Variants in EED observed in about 807,000 individuals in gnomAD.
EED encodes the protein embryonic ectoderm development.
EED carries 9 observed loss-of-function variants against 61.0 expected under a neutral mutation model. The ratio of observed to expected loss-of-function variants is 0.15; its 90% CI spans 0.09 to 0.26. EED has a LOEUF of 0.26. EED is among the 10% of genes least tolerant of loss of function. The pLI is 1.00. For missense variants in EED, 315 were observed against 542.3 expected (o/e 0.58, Z 4.16); for synonymous variants, 187 against 174.4 (o/e 1.07, Z -0.57).
At chr11:86,250,271 ATT>A in intron 1 of EED, 23 bp from the exon 2 acceptor site, 7 of 1,470,460 alleles carry the variant, frequency 4.8e-6, no homozygotes, top group Non-Finnish European at 6.3e-6. Flanking sequence ...GTTTCATGTA[ATT>A]TTTCCTCATT....
chr11:86,277,196 C>T, intron 10 of EED, 58 bp downstream of exon 10: 1 of 1,446,794 alleles, frequency 6.9e-7, no homozygotes, highest in Non-Finnish European at 9.4e-7. Flanking sequence ...CATTGTAATT[C>T]TAGCTTTTTC....
At chr11:86,266,002 C>A in intron 7 of EED, 81 bp from the exon 8 acceptor site, 1 of 1,218,888 alleles carries the variant, frequency 8.2e-7, no homozygotes, top group Non-Finnish European at 1.1e-6. Context: ...ACAGTTTTCA[C>A]TATGTTGCAC....
chr11:86,254,842 T>G (rs1002431552), intron 3 of EED, among the ~76,000 whole-genome samples: 3 of 152,176 alleles, frequency 2.0e-5, no homozygotes, highest in Non-Finnish European at 4.4e-5. Flanking sequence ...AGGATGGTCT[T>G]GATCTCTTGA....
intron 7 of EED, chr11:86,264,939 A>T (rs781600861): frequency 6.6e-6 from 1 of 152,252 alleles, no homozygotes; most frequent in Non-Finnish European, 1.5e-5. Flanking sequence ...CATATTTTAC[A>T]GCATGTAACA....
Position 86,278,663 on chromosome 11 carries a change from G to C in EED, c.*138G>C. 9.8e-7 allele frequency: 1 copy of C among 1,025,596 alleles called. No individual in the cohort carries two copies. Among genetic ancestry groups the C allele is most frequent in the Non-Finnish European group, 1.4e-6 (1 of 739,262 alleles). 63.5% of individuals were successfully genotyped at this position (1,025,596 alleles called of 1,614,324 possible). ...ATCAGGCTGAGCTGAATGTAGTGAT[G>C]TTTACATTGTTTACATTCTTTGTAC... On this transcript the variant is annotated 3_prime_UTR_variant, in exon 12 of 12. Transcript: ENST00000263360.
the EED span, among the ~76,000 whole-genome samples, chr11:86,285,742 C>T: frequency 3.5e-4 from 53 of 149,706 alleles, no homozygotes; most frequent in East Asian, 1.4e-3. Flanking sequence ...GGATTACAGG[C>T]GTGCGCCACC....
chr11:86,280,256 A>G (rs760573972), downstream of EED, among the ~76,000 whole-genome samples: 16 of 152,040 alleles, frequency 1.1e-4, no homozygotes, highest in Non-Finnish European at 2.2e-4. Flanking sequence ...ATGCCCAGCT[A>G]ATTTTTGTAT....
intron 9 of EED, among the ~76,000 whole-genome samples, chr11:86,273,340 C>T (rs920047673): frequency 6.6e-6 from 1 of 152,220 alleles, no homozygotes; most frequent in Non-Finnish European, 1.5e-5. Context: ...GCTTCCTTCC[C>T]TTTACATCAC....
At chr11:86,260,856 ACTGT>A (rs978682477) in intron 6 of EED, among the ~76,000 whole-genome samples, 3 of 152,178 alleles carry the variant, frequency 2.0e-5, no homozygotes, top group Non-Finnish European at 4.4e-5. Context: ...TTCTGAACTT[ACTGT>A]CTTAGTCCAC....
At chr11:86,259,956 TAC>T (rs755556541) in intron 6 of EED, among the ~76,000 whole-genome samples, 54 of 152,300 alleles carry the variant, frequency 3.5e-4, no homozygotes, top group Admixed American at 1.7e-3. Context: ...CTCAAAATGT[TAC>T]AGAGTCACTA....
chr11:86,278,230 T>C, intron 11 of EED, 169 bp from the exon 12 acceptor site: 1 of 1,338,728 alleles, frequency 7.5e-7, no homozygotes. Context: ...ACTTAAAATA[T>C]ATCTAAATTT....
downstream of EED, among the ~76,000 whole-genome samples, chr11:86,283,619 A>G (rs1246453745): frequency 2.0e-5 from 3 of 152,372 alleles, no homozygotes; most frequent in South Asian, 2.1e-4. Flanking sequence ...GACGAGGTGA[A>G]TATGAGAGGG....
At chr11:86,259,547 G>A (rs1945773978) in intron 6 of EED, among the ~76,000 whole-genome samples, 1 of 152,074 alleles carries the variant, frequency 6.6e-6, no homozygotes, top group African/African-American at 2.4e-5. Flanking sequence ...CAAACTCCTG[G>A]CCTCAAGCAG....
At chr11:86,248,118 G>C (rs1945437372) in intron 1 of EED, among the ~76,000 whole-genome samples, 1 of 152,348 alleles carries the variant, frequency 6.6e-6, no homozygotes, top group East Asian at 1.9e-4. Context: ...CGTTGGGCAA[G>C]TGAAGATGGT....
Position 86,245,074 on chromosome 11 carries a change from C to T in EED, c.-156C>T, listed in dbSNP as rs1945352444. 3.5e-6 allele frequency: 2 copies of T among 573,346 alleles called. No individual in the cohort carries two copies. Among genetic ancestry groups the T allele is most frequent in the South Asian group, 2.2e-5 (1 of 44,500 alleles). 35.5% of individuals were successfully genotyped at this position (573,346 alleles called of 1,614,324 possible). On this transcript the variant is annotated 5_prime_UTR_variant, in exon 1 of 12. Coordinates refer to ENST00000263360, the MANE Select transcript of EED (RefSeq NM_003797.5). ...TGTGGCGGGGTCGCACGCACGCCCG[C>T]CTCGGCGGCTGGGCGCGATTTGCGA...
chr11:86,251,361 CCTGGAAGATGTTT>C (rs1289244638), intron 2 of EED, among the ~76,000 whole-genome samples: 5 of 152,054 alleles, frequency 3.3e-5, no homozygotes, highest in African/African-American at 4.8e-5. Context: ...AGGTACTGTA[CCTGGAAGATGTTT>C]TTAGCTGCCT....
intron 1 of EED, among the ~76,000 whole-genome samples, chr11:86,246,378 G>A (rs1315452415): frequency 6.6e-6 from 1 of 152,188 alleles, no homozygotes. Context: ...GAAGAGTGGC[G>A]TAAGTTCTTC....
rs1945400006 is a variant in EED at position 86,246,684 on chromosome 11, CTCT to C, written c.114+1346_114+1348del. Among the ~76,000 whole-genome samples, 5 of 152,276 alleles carry C rather than the reference CTCT, an allele frequency of 3.3e-5. No homozygotes were observed. In the South Asian group the frequency reaches 1.0e-3, roughly 32 times the overall value. On this transcript the variant is annotated intron_variant, in intron 1 of 11. Transcript: ENST00000263360. ...ACATTGGGATCTAACATTTTTTACC[CTCT>C]TCTTTTTATTATTTGAAGACCGTTC...
At chr11:86,253,247 T>G (rs1392716951) in intron 3 of EED, among the ~76,000 whole-genome samples, 4 of 152,236 alleles carry the variant, frequency 2.6e-5, no homozygotes, top group African/African-American at 9.6e-5. Flanking sequence ...GTTTAGTTCC[T>G]AGATTCTTTG....
Sources: allele counts gnomAD v4.1 joint callset (sites outside exome capture counted in the v4.1 genomes callset), GRCh38; gene constraint gnomAD v4.1.1; transcripts MANE v1.5; gene names NCBI Gene and HGNC (gene_info 2026-07-23, HGNC 2026-07-21).